SLC24A2: variants seen among roughly 807,000 people sequenced by gnomAD.
SLC24A2 encodes the protein solute carrier family 24 member 2, also known as sodium/potassium/calcium exchanger 2.
SLC24A2 carries 36 observed loss-of-function variants against 62.0 expected under a neutral mutation model. The observed-to-expected ratio is 0.58, with a 90% confidence interval of 0.44 to 0.77. SLC24A2 has a LOEUF of 0.77. SLC24A2 is among the 30% of genes least tolerant of loss of function. The pLI, the probability that SLC24A2 is intolerant of heterozygous loss-of-function variation, is 0.00. For missense variants in SLC24A2, 846 were observed against 817.9 expected (o/e 1.03, Z -0.42); for synonymous variants, 358 against 294.0 (o/e 1.22, Z -2.23).
the SLC24A2 span, among the ~76,000 whole-genome samples, chr9:20,116,588 G>T: frequency 1.3e-5 from 2 of 152,094 alleles, no homozygotes; most frequent in African/African-American, 4.8e-5. Context: ...TCTTTTCAAT[G>T]CTTCTGTCTT....
the SLC24A2 span, among the ~76,000 whole-genome samples, chr9:19,815,959 C>CTTTTTTTTTTTTT: frequency 6.8e-5 from 7 of 103,446 alleles, no homozygotes; most frequent in Admixed American, 1.2e-4. Flanking sequence ...TTTTTTGCCC[C>CTTTTTTTTTTTTT]TTTTTTTTTT....
the SLC24A2 span, among the ~76,000 whole-genome samples, chr9:20,220,087 C>T: frequency 1.3e-5 from 2 of 152,010 alleles, no homozygotes; most frequent in Admixed American, 6.6e-5. Context: ...AAGAATAATT[C>T]CTTTTACATG....
the SLC24A2 span, among the ~76,000 whole-genome samples, chr9:20,243,943 GAGGA>G: frequency 6.6e-6 from 1 of 151,604 alleles, no homozygotes; most frequent in African/African-American, 2.4e-5. Flanking sequence ...GGGACCTCGA[GAGGA>G]AGGGAGTGGG....
At chr9:19,806,133 C>T in the SLC24A2 span, among the ~76,000 whole-genome samples, 3 of 152,026 alleles carry the variant, frequency 2.0e-5, no homozygotes, top group Admixed American at 6.6e-5. Context: ...ATATAATTGT[C>T]TAGGAAAACT....
intron 7 of SLC24A2, among the ~76,000 whole-genome samples, chr9:19,570,789 A>T (rs1405012089): frequency 6.6e-6 from 1 of 152,150 alleles, no homozygotes; most frequent in East Asian, 1.9e-4. Context: ...AGGTAACTTG[A>T]CCCTGGTGGA....
chr9:19,813,794 G>T, the SLC24A2 span, among the ~76,000 whole-genome samples: 1 of 152,102 alleles, frequency 6.6e-6, no homozygotes, highest in Non-Finnish European at 1.5e-5. Flanking sequence ...CCCTTATAAA[G>T]AGACCATAAA....
chr9:19,561,762 G>C (rs1835415379), intron 7 of SLC24A2, among the ~76,000 whole-genome samples: 1 of 145,612 alleles, frequency 6.9e-6, no homozygotes, highest in African/African-American at 2.5e-5. Context: ...ATAAATCGTT[G>C]CTTGCCTGAT....
intron 2 of SLC24A2, among the ~76,000 whole-genome samples, chr9:19,722,504 G>C (rs962410135): frequency 6.6e-6 from 1 of 152,028 alleles, no homozygotes; most frequent in African/African-American, 2.4e-5. Context: ...TTGTAATTCT[G>C]ATGGTATACC....
the SLC24A2 span, among the ~76,000 whole-genome samples, chr9:19,933,281 A>C: frequency 6.6e-6 from 1 of 152,356 alleles, no homozygotes; most frequent in African/African-American, 2.4e-5. Context: ...ACACATACTC[A>C]AACAATTCTA....
chr9:19,717,010 C>G (rs1302822587), intron 2 of SLC24A2, among the ~76,000 whole-genome samples: 4 of 152,156 alleles, frequency 2.6e-5, no homozygotes, highest in Non-Finnish European at 2.9e-5. Flanking sequence ...TAGTTCAGTG[C>G]TATTCCAGAT....
At chr9:20,028,532 C>T in the SLC24A2 span, among the ~76,000 whole-genome samples, 47 of 152,304 alleles carry the variant, frequency 3.1e-4, 1 homozygote, top group Middle Eastern at 6.8e-3. Context: ...CCCTGCCACT[C>T]CCTTCCCTAA....
chr9:20,046,046 A>G, the SLC24A2 span, among the ~76,000 whole-genome samples: 23 of 152,258 alleles, frequency 1.5e-4, no homozygotes, highest in African/African-American at 4.8e-4. Flanking sequence ...TCTCATATCA[A>G]AAGTCCCAAC....
At chr9:19,726,315 G>A (rs1016342526) in intron 2 of SLC24A2, among the ~76,000 whole-genome samples, 34 of 152,250 alleles carry the variant, frequency 2.2e-4, no homozygotes, top group African/African-American at 7.0e-4. Flanking sequence ...GCAACCAAAA[G>A]GTAAAAGTAA....
the SLC24A2 span, among the ~76,000 whole-genome samples, chr9:20,232,233 G>C: frequency 2.0e-5 from 3 of 152,166 alleles, no homozygotes; most frequent in Non-Finnish European, 4.4e-5. Flanking sequence ...TTGGTATCAG[G>C]ATGATGCTGG....
chr9:19,745,334 A>G (rs537836325), intron 2 of SLC24A2, among the ~76,000 whole-genome samples: 1 of 152,248 alleles, frequency 6.6e-6, no homozygotes, highest in East Asian at 1.9e-4. Context: ...CCTTCATGCA[A>G]TGCAAATAGA....
At chr9:20,211,783 A>G in the SLC24A2 span, among the ~76,000 whole-genome samples, 90 of 152,324 alleles carry the variant, frequency 5.9e-4, no homozygotes, top group African/African-American at 2.1e-3. Context: ...TTATAAGGCT[A>G]TTAAACTATA....
At chr9:19,560,942 G>A (rs955342926) in intron 7 of SLC24A2, among the ~76,000 whole-genome samples, 1 of 133,764 alleles carries the variant, frequency 7.5e-6, no homozygotes, top group African/African-American at 2.7e-5. Flanking sequence ...GAGAGAGAGA[G>A]AGAGACAGAG....
intron 2 of SLC24A2, among the ~76,000 whole-genome samples, chr9:19,649,559 T>C (rs1412518086): frequency 6.6e-6 from 1 of 152,192 alleles, no homozygotes; most frequent in Non-Finnish European, 1.5e-5. Flanking sequence ...GCCAAAAATA[T>C]GGTCTAGTAT....
At chr9:20,198,669 C>T in the SLC24A2 span, among the ~76,000 whole-genome samples, 1 of 151,852 alleles carries the variant, frequency 6.6e-6, no homozygotes, top group South Asian at 2.1e-4. Context: ...CTCTCTCTCT[C>T]ACTCTCTCTC....
Sources: allele counts gnomAD v4.1 joint callset (sites outside exome capture counted in the v4.1 genomes callset), GRCh38; gene constraint gnomAD v4.1.1; transcripts MANE v1.5; gene names NCBI Gene and HGNC (gene_info 2026-07-23, HGNC 2026-07-21).